JPH4: variants seen among roughly 807,000 people sequenced by gnomAD.
JPH4 encodes the protein junctophilin 4.
A neutral mutation model predicts 57.6 loss-of-function variants in JPH4; 18 were observed. The ratio of observed to expected loss-of-function variants is 0.31; its 90% CI spans 0.22 to 0.46. The LOEUF is 0.46. Among genes scored for constraint, JPH4 ranks in the 20% least tolerant of loss-of-function variants. The pLI is 1.00. For missense variants in JPH4, 727 were observed against 911.1 expected, an observed-to-expected ratio of 0.80 and a Z score of 2.60; for synonymous variants, 425 against 406.6, an observed-to-expected ratio of 1.05 and a Z score of -0.54.
At position 23,575,545 on chromosome 14, in the gene JPH4, G is replaced by T; in HGVS notation, c.1151+140C>A. The T allele has an allele frequency of 1.8e-6, 2 of 1,089,230 alleles. No individual in the cohort carries two copies. Among genetic ancestry groups the T allele is most frequent in the Non-Finnish European group, 2.6e-6 (2 of 766,596 alleles). 67.5% of individuals were successfully genotyped at this position (1,089,230 alleles called of 1,614,324 possible). On this transcript the variant is annotated intron_variant, in intron 3 of 5. Transcript: ENST00000356300. The surrounding 1 kb of genome is among the most constrained non-coding windows in gnomAD (Gnocchi z 6.9). ...ATATAAACACCAAGAATGCCCAGGG[G>T]TCCAACTGCCTGGCCTTAGGCTTGC...
At position 23,576,233 on chromosome 14, in the gene JPH4, C is replaced by G. The variant is rs1889270071; in HGVS notation, c.603G>C (p.Gly201=). 9 of 1,272,884 alleles carry G rather than the reference C, an allele frequency of 7.1e-6. No homozygotes were observed. In the South Asian group the frequency reaches 2.4e-4, roughly 35 times the overall value. The allele number at this position is 1,272,884 out of a possible 1,614,324, so 78.8% of individuals were successfully genotyped here. Residue 201 remains glycine (G), a synonymous_variant, in exon 3 of 6, where the codon GGG becomes GGC. Transcript: ENST00000356300. The surrounding 1 kb of genome is among the most constrained non-coding windows in gnomAD (Gnocchi z 8.0). The part of the protein sequence containing the change: ...SRGGFVLAGP[G]DADGASSRKR... The stretch of plus-strand genomic sequence containing the variant: ...TTCGGGACGACGCGCCGTCGGCGTC[C>G]CCGGGCCCGGCCAGCACGAAGCCGC...
intron 3 of JPH4, among the ~76,000 whole-genome samples, chr14:23,574,182 T>TC (rs918025407): frequency 6.6e-6 from 1 of 152,014 alleles, no homozygotes; most frequent in Non-Finnish European, 1.5e-5. Context: ...TTAGATTTTT[T>TC]TTTTTTTTTT....
chr14:23,570,956 G>A lies in JPH4; in HGVS notation c.1775C>T (p.Pro592Leu), dbSNP rs1281782322. Residue 592 changes from proline to leucine, a missense_variant, in exon 5 of 6, where the codon CCC becomes CTC. Physicochemically the swap from Pro to Leu is moderately conservative, Grantham distance 98. Around this residue, in one of 7 missense-constraint regions of JPH4, gnomAD observed 293 missense variants for 279.8 expected, o/e 1.05. Coordinates refer to ENST00000356300, the MANE Select transcript of JPH4 (RefSeq NM_001146028.2). ...CTGGGCAGGCCTCTCGGTTGCAGCGGGCTCCCCGAGCTCTTCTGTCAGGCA... is the reference window on the plus strand; with the variant it reads ...CTGGGCAGGCCTCTCGGTTGCAGCGAGCTCCCCGAGCTCTTCTGTCAGGCA... ...AGCLTEELGE[P>L]AATERPAQPG... 1 of 1,518,710 alleles carries A rather than the reference G, an allele frequency of 6.6e-7. No individual in the cohort carries two copies. Among genetic ancestry groups the A allele is most frequent in the Non-Finnish European group, 8.8e-7 (1 of 1,134,308 alleles). 94.1% of individuals were successfully genotyped at this position (1,518,710 alleles called of 1,614,324 possible).
Position 23,576,588 on chromosome 14 carries a change from G to C in JPH4, c.380-132C>G, listed in dbSNP as rs1889278780. ...GGAGGCAGTTAGTGTGGAGGTCGGGGAAGGGCACTGGGAGCCGGGAACAGG... is the reference window on the plus strand; with the variant it reads ...GGAGGCAGTTAGTGTGGAGGTCGGGCAAGGGCACTGGGAGCCGGGAACAGG... On this transcript the variant is annotated intron_variant, in intron 2 of 5. Coordinates refer to ENST00000356300, the MANE Select transcript of JPH4 (RefSeq NM_001146028.2). This position sits in a 1 kb window ranked among gnomAD's most constrained non-coding sequence, Gnocchi z 8.0. 1.3e-6 allele frequency: 1 copy of C among 747,580 alleles called. No homozygotes were observed. Among genetic ancestry groups the C allele is most frequent in the African/African-American group, 1.8e-5 (1 of 54,608 alleles). 46.3% of individuals were successfully genotyped at this position (747,580 alleles called of 1,614,324 possible).
Position 23,575,562 on chromosome 14 carries a change from T to C in JPH4, c.1151+123A>G, listed in dbSNP as rs1237428676. 1.5e-6 allele frequency: 2 copies of C among 1,303,440 alleles called. No individual in the cohort carries two copies. 80.7% of individuals were successfully genotyped at this position (1,303,440 alleles called of 1,614,324 possible). On this transcript the variant is annotated intron_variant, in intron 3 of 5. Coordinates refer to ENST00000356300, the MANE Select transcript of JPH4 (RefSeq NM_001146028.2). The surrounding 1 kb of genome is among the most constrained non-coding windows in gnomAD (Gnocchi z 6.9). The stretch of plus-strand genomic sequence containing the variant: ...GCCCAGGGGTCCAACTGCCTGGCCT[T>C]AGGCTTGCAATAGCAGGCCCTAGGC...
rs894392224 is a variant in JPH4 at position 23,577,546 on chromosome 14, G to A, written c.-93C>T. ...GGGCCTTGGAGCCGGGCGAGGCCTC[G>A]GGGCGGGGGCAGTTAGACCGGGGCC... On this transcript the variant is annotated 5_prime_UTR_variant, in exon 2 of 6. Coordinates refer to ENST00000356300, the MANE Select transcript of JPH4 (RefSeq NM_001146028.2). This position sits in a 1 kb window ranked among gnomAD's most constrained non-coding sequence, Gnocchi z 8.4. 6 of 1,144,434 alleles carry A rather than the reference G, an allele frequency of 5.2e-6. No individual in the cohort carries two copies. The highest frequency in any genetic ancestry group is 6.9e-6 in the Non-Finnish European group (6 of 873,552). 70.9% of individuals were successfully genotyped at this position (1,144,434 alleles called of 1,614,324 possible).
rs773153208 is a variant in JPH4, at chr14:23,577,540, G to A, written c.-87C>T. 68 of 1,202,694 alleles carry A rather than the reference G, an allele frequency of 5.7e-5. No individual in the cohort carries two copies. The highest frequency in any genetic ancestry group is 7.0e-5 in the Non-Finnish European group (65 of 925,816). The allele number at this position is 1,202,694 out of a possible 1,614,324, so 74.5% of individuals were successfully genotyped here. On this transcript the variant is annotated 5_prime_UTR_variant, in exon 2 of 6. Coordinates refer to ENST00000356300, the MANE Select transcript of JPH4 (RefSeq NM_001146028.2). This position sits in a 1 kb window ranked among gnomAD's most constrained non-coding sequence, Gnocchi z 8.4. ...TGCTGGGGGCCTTGGAGCCGGGCGAGGCCTCGGGGCGGGGGCAGTTAGACC... is the reference window on the plus strand; with the variant it reads ...TGCTGGGGGCCTTGGAGCCGGGCGAAGCCTCGGGGCGGGGGCAGTTAGACC...
In JPH4 at chr14:23,577,209, G is replaced by T. The variant is rs1296511660; in HGVS notation, c.245C>A (p.Thr82Lys). The T allele has an allele frequency of 2.6e-6, 4 of 1,537,038 alleles. No individual in the cohort carries two copies. Among genetic ancestry groups the T allele is most frequent in the Non-Finnish European group, 2.6e-6 (3 of 1,146,168 alleles). The change falls in exon 2 of 6, where the codon ACG becomes AAG. Residue 82 changes from threonine (T) to lysine (K), a missense_variant. Physicochemically the swap from Thr to Lys is moderately conservative, Grantham distance 78 (BLOSUM62 -1). Transcript: ENST00000356300. The surrounding 1 kb of genome is among the most constrained non-coding windows in gnomAD (Gnocchi z 8.4). ...GLGVERKSRW[T>K]YRGEWLGGLK... ...CCCGCCCAGCCACTCGCCGCGGTAC[G>T]TCCAGCGGCTCTTGCGCTCCACGCC...
Position 23,575,616 on chromosome 14 carries a change from C to T in JPH4, c.1151+69G>A. 1.3e-6 allele frequency: 2 copies of T among 1,541,596 alleles called. No homozygotes were observed. Among genetic ancestry groups the T allele is most frequent in the Non-Finnish European group, 1.7e-6 (2 of 1,146,768 alleles). On this transcript the variant is annotated intron_variant, in intron 3 of 5. Transcript: ENST00000356300. The surrounding 1 kb of genome is among the most constrained non-coding windows in gnomAD (Gnocchi z 6.9). ...GGGCCTTGGGCCTCCCTTAGGCACACCCGCCTTCCTGGTCCCCAGCGCACC... is the reference window on the plus strand; with the variant it reads ...GGGCCTTGGGCCTCCCTTAGGCACATCCGCCTTCCTGGTCCCCAGCGCACC...
chr14:23,577,579 G>T lies in JPH4; in HGVS notation c.-126C>A. 3.8e-6 allele frequency: 3 copies of T among 786,140 alleles called. No individual in the cohort carries two copies. Among genetic ancestry groups the T allele is most frequent in the Non-Finnish European group, 5.4e-6 (3 of 551,836 alleles). The allele number at this position is 786,140 out of a possible 1,614,324, so 48.7% of individuals were successfully genotyped here. ...GGCAGTTAGACCGGGGCCGGGCGGG[G>T]GGGCCCCAGCGAGGGCAGGCAGGGC... On this transcript the variant is annotated 5_prime_UTR_variant, in exon 2 of 6. Coordinates refer to ENST00000356300, the MANE Select transcript of JPH4 (RefSeq NM_001146028.2). The surrounding 1 kb of genome is among the most constrained non-coding windows in gnomAD (Gnocchi z 8.4).
rs776702323 is a variant in JPH4 at position 23,571,183 on chromosome 14, A to G, written c.1548T>C (p.Asp516=). Reference sequence around the variant, plus strand: ...GCCCTGGCCCTTGCATCCCAGCCTCATCCTCAGCCTCATAGCCAGCTAGTT... The same window carrying G: ...GCCCTGGCCCTTGCATCCCAGCCTCGTCCTCAGCCTCATAGCCAGCTAGTT... ...AEELAGYEAE[D]EAGMQGPGPR... Residue 516 remains aspartate, a synonymous_variant, in exon 5 of 6, where the codon GAT becomes GAC. Transcript: ENST00000356300. The surrounding 1 kb of genome is among the most constrained non-coding windows in gnomAD (Gnocchi z 4.6). 31 of 1,613,830 alleles carry G rather than the reference A, an allele frequency of 1.9e-5. No homozygotes were observed. The East Asian group carries it at 6.2e-4, about 32-fold the overall frequency.
chr14:23,571,358 G>A lies in JPH4; in HGVS notation c.1373C>T (p.Pro458Leu). The change falls in exon 5 of 6, where the codon CCT becomes CTT. Residue 458 changes from proline (P) to leucine (L), a missense_variant. Transcript: ENST00000356300. This position sits in a 1 kb window ranked among gnomAD's most constrained non-coding sequence, Gnocchi z 4.6. ...GGAGGCAGGACTGCTGGGCAGTTCA[G>A]GGGATCCCTCTGAGGGGGTCAGTCC... is the stretch of plus-strand genomic sequence containing the variant. ...ENGLTPSEGS[P>L]ELPSSPASSR... 1 of 1,600,680 alleles carries A rather than the reference G, an allele frequency of 6.2e-7. No individual in the cohort carries two copies.
Position 23,577,359 on chromosome 14 carries a change from C to A in JPH4, c.95G>T (p.Gly32Val). 2 of 1,520,960 alleles carry A rather than the reference C, an allele frequency of 1.3e-6. No individual in the cohort carries two copies. The highest frequency in any genetic ancestry group is 8.8e-7 in the Non-Finnish European group (1 of 1,136,968). 94.2% of individuals were successfully genotyped at this position (1,520,960 alleles called of 1,614,324 possible). Residue 32 changes from glycine (G) to valine (V), a missense_variant, in exon 2 of 6, where the codon GGC becomes GTC. Coordinates refer to ENST00000356300, the MANE Select transcript of JPH4 (RefSeq NM_001146028.2). This position sits in a 1 kb window ranked among gnomAD's most constrained non-coding sequence, Gnocchi z 8.4. ...GRAHGYGVCT[G>V]PGAQGEYSGC... The stretch of plus-strand genomic sequence containing the variant: ...GCTGTACTCGCCCTGGGCGCCGGGG[C>A]CCGTGCACACGCCGTAGCCATGTGC...
rs141995363 is a variant in JPH4 at position 23,571,244 on chromosome 14, G to A, written c.1487C>T (p.Pro496Leu). The A allele has an allele frequency of 1.6e-4, 261 of 1,610,272 alleles. No individual in the cohort carries two copies. Among genetic ancestry groups the A allele is most frequent in the Non-Finnish European group, 2.2e-4 (257 of 1,178,036 alleles). The stretch of plus-strand genomic sequence containing the variant: ...TGCGCCTGCCCCCCCCCACTCCTCA[G>A]GCCAAGCTTTGGGGCTGGAGAAGGG... ...QGPFSSPKAW[P>L]EEWGGAGAQA... is the part of the protein sequence containing the mutation. The change falls in exon 5 of 6, where the codon CCT becomes CTT. Residue 496 changes from proline to leucine, a missense_variant. Physicochemically the swap from Pro to Leu is moderately conservative, Grantham distance 98 (BLOSUM62 -3). Transcript: ENST00000356300. This position sits in a 1 kb window ranked among gnomAD's most constrained non-coding sequence, Gnocchi z 4.6.
In JPH4 at chr14:23,575,810, G is replaced by A. The variant is rs1399523892; in HGVS notation, c.1026C>T (p.Arg342=). Residue 342 remains arginine (R), a synonymous_variant, in exon 3 of 6, where the codon CGC becomes CGT. Transcript: ENST00000356300. This position sits in a 1 kb window ranked among gnomAD's most constrained non-coding sequence, Gnocchi z 6.9. ...YKRNRLVHGG[R]VRSLLPLALR... ...GGGCCAGAGGCAGGAGACTGCGGAC[G>A]CGCCCGCCGTGCACCAGCCGGTTGC... The A allele has an allele frequency of 1.3e-6, 2 of 1,579,350 alleles. No homozygotes were observed. The highest frequency in any genetic ancestry group is 1.3e-5 in the African/African-American group (1 of 74,192).
intron 3 of JPH4, among the ~76,000 whole-genome samples, chr14:23,573,847 C>T (rs975645330): frequency 1.3e-5 from 2 of 152,054 alleles, no homozygotes; most frequent in African/African-American, 4.8e-5. Flanking sequence ...CTCTAACATC[C>T]AGACTCCCAG....
rs2139453166 is a variant in JPH4 at position 23,568,995 on chromosome 14, T to G, written c.*639A>C. The G allele has an allele frequency of 6.2e-6, 1 of 162,368 alleles. No homozygotes were observed. Among genetic ancestry groups the G allele is most frequent in the South Asian group, 1.9e-4 (1 of 5,148 alleles). The allele number at this position is 162,368 out of a possible 1,614,324, so 10.1% of individuals were successfully genotyped here. ...CTGGGGAGTTACTCTACTTTTCACT[T>G]CCCTTCTCTCCTTCAGGGAAGGATG... On this transcript the variant is annotated 3_prime_UTR_variant, in exon 6 of 6. Transcript: ENST00000356300.
In JPH4 at chr14:23,569,740, A is replaced by C. The variant is rs374439117; in HGVS notation, c.1804-23T>G. The stretch of plus-strand genomic sequence containing the variant: ...TCCCTAGAGAGACAGAGGGGGAAGC[A>C]GACTCAGTCCCCGAGGACAGGGCCC... On this transcript the variant is annotated intron_variant, in intron 5 of 5. Transcript: ENST00000356300. The surrounding 1 kb of genome is among the most constrained non-coding windows in gnomAD (Gnocchi z 4.8). 89 of 1,511,310 alleles carry C rather than the reference A, an allele frequency of 5.9e-5. No homozygotes were observed. Among genetic ancestry groups the C allele is most frequent in the Non-Finnish European group, 6.7e-5 (75 of 1,114,050 alleles). 93.6% of individuals were successfully genotyped at this position (1,511,310 alleles called of 1,614,324 possible).
In JPH4 at chr14:23,569,072, A is replaced by G; in HGVS notation, c.*562T>C. On this transcript the variant is annotated 3_prime_UTR_variant, in exon 6 of 6. Coordinates refer to ENST00000356300, the MANE Select transcript of JPH4 (RefSeq NM_001146028.2). This position sits in a 1 kb window ranked among gnomAD's most constrained non-coding sequence, Gnocchi z 4.8. ...CTTGGAGGTAAGATAATAGCCTCCA[A>G]GATTAGAGGTGGAGGATGCACCTCC... 6.2e-6 allele frequency: 1 copy of G among 161,028 alleles called. No homozygotes were observed. The highest frequency in any genetic ancestry group is 1.4e-5 in the Non-Finnish European group (1 of 72,876). 10.0% of individuals were successfully genotyped at this position (161,028 alleles called of 1,614,324 possible).
Sources: gnomAD v4.1 joint callset for allele counts (sites outside exome capture counted in the v4.1 genomes callset) on GRCh38, gnomAD v4.1.1 for gene constraint, gnomAD v4.1.1 regional missense constraint, Gnocchi (gnomAD v3.1) non-coding constraint, MANE v1.5 for transcripts, NCBI Gene and HGNC (gene_info 2026-07-23, HGNC 2026-07-21) for gene names.